The following PKHD1 variants were observed in gnomAD, a reference collection of about 807,000 sequenced individuals.
PKHD1 encodes the protein fibrocystin.
In PKHD1, 291 loss-of-function variants were observed where a neutral mutation model predicts 412.0. That is an observed-to-expected ratio of 0.71 (90% CI 0.64 to 0.78). PKHD1 has a LOEUF of 0.78. PKHD1 is among the 30% of genes least tolerant of loss of function. The pLI, the probability that PKHD1 is intolerant of heterozygous loss-of-function variation, is 0.00. For synonymous variants in PKHD1, 1,777 were observed against 1,821.5 expected, an observed-to-expected ratio of 0.98 and a Z score of 0.62; for missense variants, 4,825 against 4,950.7, an observed-to-expected ratio of 0.97 and a Z score of 0.76.
intron 60 of PKHD1, among the ~76,000 whole-genome samples, chr6:51,668,804 C>T (rs529220291): frequency 4.9e-4 from 74 of 152,262 alleles, no homozygotes; most frequent in African/African-American, 1.8e-3. Context: ...TTGAGATAAT[C>T]ATGTGGTTTT....
chr6:51,966,759 G>C (rs1792869088), intron 35 of PKHD1, among the ~76,000 whole-genome samples: 2 of 152,068 alleles, frequency 1.3e-5, no homozygotes, highest in Admixed American at 1.3e-4. Flanking sequence ...TTATATTTTA[G>C]GGAGATAACA....
chr6:51,749,318 T>A (rs1327889217), intron 57 of PKHD1, among the ~76,000 whole-genome samples: 2 of 152,330 alleles, frequency 1.3e-5, no homozygotes. Flanking sequence ...TTCATTTTTA[T>A]AAGATTTTCT....
chr6:51,792,810 C>A (rs1185452022), intron 52 of PKHD1, among the ~76,000 whole-genome samples: 1 of 152,176 alleles, frequency 6.6e-6, no homozygotes, highest in Non-Finnish European at 1.5e-5. Context: ...TCACTGGCTC[C>A]ACCACTCTCC....
At chr6:51,870,724 A>G (rs1042069468) in intron 46 of PKHD1, 85 bp from the exon 47 acceptor site, 7 of 1,089,744 alleles carry the variant, frequency 6.4e-6, no homozygotes, top group Non-Finnish European at 8.2e-6. Flanking sequence ...AATAAAAACA[A>G]AGATAAAAAA....
chr6:51,921,908 G>A (rs527707249), intron 37 of PKHD1, among the ~76,000 whole-genome samples: 22 of 152,198 alleles, frequency 1.4e-4, no homozygotes, highest in African/African-American at 5.1e-4. Flanking sequence ...TGTTATTACC[G>A]ATCTTCTGAA....
chr6:52,054,698 G>A (rs1325373488), intron 19 of PKHD1, among the ~76,000 whole-genome samples: 1 of 152,158 alleles, frequency 6.6e-6, no homozygotes, highest in Non-Finnish European at 1.5e-5. Flanking sequence ...GCTGTTCTGT[G>A]CATTATAGGA....
At position 51,776,007 on chromosome 6, in the gene PKHD1, C is replaced by A. The variant is rs1790964891; in HGVS notation, c.8441-86G>T. On this transcript the variant is annotated intron_variant, in intron 53 of 66. Coordinates refer to ENST00000371117, the MANE Select transcript of PKHD1 (RefSeq NM_138694.4). ...AAATTGCAGTATAATTTCAATAATGCAATGTAGATACTGTGAAGTAGACTA... is the reference window on the plus strand; with the variant it reads ...AAATTGCAGTATAATTTCAATAATGAAATGTAGATACTGTGAAGTAGACTA... The A allele has an allele frequency of 5.9e-5, 43 of 727,544 alleles. No homozygotes were observed. In the South Asian group the frequency reaches 6.1e-4, roughly 10 times the overall value. 45.1% of individuals were successfully genotyped at this position (727,544 alleles called of 1,614,324 possible). A position where few individuals can be genotyped will look rare whatever the true frequency, so the allele number is the denominator to read the frequency against.
At chr6:51,728,698 T>C (rs556065174) in intron 60 of PKHD1, among the ~76,000 whole-genome samples, 12 of 152,210 alleles carry the variant, frequency 7.9e-5, no homozygotes, top group African/African-American at 2.6e-4. Context: ...GCAGAGAAAA[T>C]AGCCAAGTTC....
chr6:51,716,502 A>G (rs1781273531), intron 60 of PKHD1, among the ~76,000 whole-genome samples: 1 of 152,130 alleles, frequency 6.6e-6, no homozygotes, highest in Admixed American at 6.6e-5. Context: ...GGCTTCATAG[A>G]GTCCCTCCCT....
intron 3 of PKHD1, 24 bp from the exon 4 acceptor site, chr6:52,082,566 A>G: frequency 6.3e-7 from 1 of 1,582,154 alleles, no homozygotes; most frequent in Non-Finnish European, 8.7e-7. Context: ...AAGAAATCTC[A>G]GGCTGCATAG....
At chr6:51,939,500 C>T (rs2127795389) in intron 36 of PKHD1, among the ~76,000 whole-genome samples, 1 of 151,546 alleles carries the variant, frequency 6.6e-6, no homozygotes, top group South Asian at 2.1e-4. Flanking sequence ...ACCTAAATGC[C>T]TTATTTTCTT....
At chr6:51,669,461 C>T (rs1216061012) in intron 60 of PKHD1, among the ~76,000 whole-genome samples, 8 of 150,780 alleles carry the variant, frequency 5.3e-5, no homozygotes, top group Admixed American at 2.0e-4. Context: ...GTCTTGCTAG[C>T]GGTCTATCTA....
rs1325428939 is a variant in PKHD1, at chr6:52,054,118, A to T, written c.1884T>A (p.Ile628=). ...TTTGAAAGCCGATTGTGAAGGACAC[A>T]ATCATCTTCAGGATCTTGTTCATGT... is the stretch of plus-strand genomic sequence containing the variant. ...KGHMNKILKM[I]VSFTIGFQNM... Residue 628 remains isoleucine, a synonymous_variant, in exon 20 of 67, where the codon ATT becomes ATA. Transcript: ENST00000371117. The T allele has an allele frequency of 1.2e-6, 2 of 1,613,688 alleles. No individual in the cohort carries two copies. Among genetic ancestry groups the T allele is most frequent in the East Asian group, 4.5e-5 (2 of 44,896 alleles).
Position 52,025,352 on chromosome 6 carries a change from A to C in PKHD1, c.4458T>G (p.Pro1486=), listed in dbSNP as rs1801993321. 6.2e-7 allele frequency: 1 copy of C among 1,613,828 alleles called. No individual in the cohort carries two copies. Among genetic ancestry groups the C allele is most frequent in the Non-Finnish European group, 8.5e-7 (1 of 1,179,822 alleles). The change falls in exon 32 of 67, where the codon CCT becomes CCG. Residue 1486 remains proline, a synonymous_variant. Transcript: ENST00000371117. ...CTLFIREEAS[P]VMDALSTNTS... is the part of the protein sequence containing the mutation. ...TGTTTGTGGACAAGGCATCCATGAC[A>C]GGACTTGCCTCTTCCCTTATGAAAA...
chr6:51,713,926 C>T (rs1228348299), intron 60 of PKHD1, among the ~76,000 whole-genome samples: 1 of 152,128 alleles, frequency 6.6e-6, no homozygotes, highest in Non-Finnish European at 1.5e-5. Flanking sequence ...CACCTGTAGA[C>T]TCTTCTTCTT....
At chr6:51,927,477 A>T (rs1785839821) in intron 37 of PKHD1, among the ~76,000 whole-genome samples, 1 of 152,168 alleles carries the variant, frequency 6.6e-6, no homozygotes, top group Admixed American at 6.5e-5. Flanking sequence ...AAAAACAAGG[A>T]GATTCAAAGA....
chr6:51,717,008 C>T (rs1291103750), intron 60 of PKHD1, among the ~76,000 whole-genome samples: 1 of 152,192 alleles, frequency 6.6e-6, no homozygotes, highest in Non-Finnish European at 1.5e-5. Context: ...TTAGGTGTTG[C>T]ACTATCCTTC....
intron 55 of PKHD1, among the ~76,000 whole-genome samples, chr6:51,770,264 T>C (rs1234919993): frequency 6.6e-6 from 1 of 151,884 alleles, no homozygotes; most frequent in Non-Finnish European, 1.5e-5. Flanking sequence ...GTAAAACTTT[T>C]CTGACTGTTA....
Position 52,017,596 on chromosome 6 carries a change from T to C in PKHD1, c.5414A>G (p.Glu1805Gly), listed in dbSNP as rs377674026. The C allele has an allele frequency of 8.3e-5, 134 of 1,613,764 alleles. No individual in the cohort carries two copies. The highest frequency in any genetic ancestry group is 1.1e-4 in the Non-Finnish European group (127 of 1,179,956). ...SLAFLCGLKR[E>G]EDSCEAARHT... ...TCTGGCAGCCTCACAGCTGTCCTCC[T>C]CACGCTTCAGGCCACACAGGAAGGC... is the stretch of plus-strand genomic sequence containing the variant. Residue 1805 changes from glutamate to glycine, a missense_variant, in exon 34 of 67, where the codon GAG (glutamate) becomes GGG (glycine). Transcript: ENST00000371117.
Sources: allele counts gnomAD v4.1 joint callset (sites outside exome capture counted in the v4.1 genomes callset), GRCh38; gene constraint gnomAD v4.1.1; transcripts MANE v1.5; gene names NCBI Gene and HGNC (gene_info 2026-07-23, HGNC 2026-07-21).